The following FHIP1A variants were observed in gnomAD, a reference collection of about 807,000 sequenced individuals.
FHIP1A encodes the protein FHF complex subunit HOOK interacting protein 1A.
Under a neutral mutation model 88.6 loss-of-function variants are expected in FHIP1A, and 61 were observed. That is an observed-to-expected ratio of 0.69 (90% CI 0.56 to 0.85). The LOEUF (loss-of-function observed/expected upper bound fraction) is 0.85. Ranked by LOEUF, FHIP1A falls within the 40% of genes least tolerant of loss-of-function variation. FHIP1A has a pLI of 0.00. For missense variants in FHIP1A, 1,154 were observed against 1,273.5 expected, an observed-to-expected ratio of 0.91 and a Z score of 1.43; for synonymous variants, 478 against 496.0, an observed-to-expected ratio of 0.96 and a Z score of 0.48.
intron 13 of FHIP1A, among the ~76,000 whole-genome samples, chr4:151,660,191 G>C (rs1014758222): frequency 6.6e-6 from 1 of 152,244 alleles, no homozygotes; most frequent in Non-Finnish European, 1.5e-5. Context: ...CCGGAGGGGA[G>C]CCCGGGTCAA....
At chr4:151,448,461 C>T (rs750355284) in intron 1 of FHIP1A, among the ~76,000 whole-genome samples, 9 of 152,100 alleles carry the variant, frequency 5.9e-5, no homozygotes, top group Non-Finnish European at 1.3e-4. Context: ...AACAGTAATT[C>T]CCCATTATCC....
intron 1 of FHIP1A, among the ~76,000 whole-genome samples, chr4:151,449,350 G>A (rs544142818): frequency 6.6e-6 from 1 of 152,204 alleles, no homozygotes; most frequent in South Asian, 2.1e-4. Context: ...TCAGAATTAA[G>A]CAAGTTAGTG....
chr4:151,601,181 C>CT (rs1477278356), intron 7 of FHIP1A, among the ~76,000 whole-genome samples: 2 of 152,138 alleles, frequency 1.3e-5, no homozygotes, highest in Non-Finnish European at 1.5e-5. Flanking sequence ...GAATAAATAA[C>CT]TAAGTTTCCT....
At chr4:151,577,134 TCA>T (rs914836534) in intron 4 of FHIP1A, among the ~76,000 whole-genome samples, 1 of 152,212 alleles carries the variant, frequency 6.6e-6, no homozygotes, top group Non-Finnish European at 1.5e-5. Flanking sequence ...CTCATTTTCC[TCA>T]GTTATGTTCA....
At chr4:151,637,305 T>C (rs1047615428) in intron 8 of FHIP1A, among the ~76,000 whole-genome samples, 2 of 152,104 alleles carry the variant, frequency 1.3e-5, no homozygotes, top group African/African-American at 2.4e-5. Flanking sequence ...ATGAAAAAAT[T>C]GATAAATTGG....
At chr4:151,593,321 G>A (rs12908240) in intron 7 of FHIP1A, among the ~76,000 whole-genome samples, 1 of 151,732 alleles carries the variant, frequency 6.6e-6, no homozygotes, top group Non-Finnish European at 1.5e-5. Flanking sequence ...TAGCTTGATG[G>A]GGATAGCATT....
At chr4:151,471,325 AG>A (rs1402988125) in intron 2 of FHIP1A, among the ~76,000 whole-genome samples, 4 of 104,272 alleles carry the variant, frequency 3.8e-5, no homozygotes, top group Admixed American at 2.7e-4. Context: ...TTTTCCAATA[AG>A]GAAAAAAAAA....
chr4:151,411,319 AT>A (rs1450295370), intron 1 of FHIP1A, among the ~76,000 whole-genome samples: 2 of 144,436 alleles, frequency 1.4e-5, no homozygotes, highest in African/African-American at 5.1e-5. Flanking sequence ...AAAAACAAGA[AT>A]TGCCTCTGAG....
chr4:151,442,188 G>A (rs772762416), intron 1 of FHIP1A, among the ~76,000 whole-genome samples: 11 of 152,096 alleles, frequency 7.2e-5, no homozygotes, highest in Non-Finnish European at 1.5e-4. Context: ...ATTATGTGCC[G>A]CGTGGCTGAT....
intron 1 of FHIP1A, among the ~76,000 whole-genome samples, chr4:151,432,357 G>C (rs2126542257): frequency 6.6e-6 from 1 of 152,288 alleles, no homozygotes; most frequent in South Asian, 2.1e-4. Context: ...ATCTAGTCAT[G>C]AATTCATGAA....
At chr4:151,652,510 T>A (rs1271732611) in intron 11 of FHIP1A, among the ~76,000 whole-genome samples, 3 of 152,234 alleles carry the variant, frequency 2.0e-5, no homozygotes, top group Non-Finnish European at 1.5e-5. Context: ...CAGCAATCTT[T>A]TATTGATCCC....
intron 7 of FHIP1A, among the ~76,000 whole-genome samples, chr4:151,619,891 AT>A (rs925401622): frequency 6.6e-5 from 10 of 152,180 alleles, no homozygotes; most frequent in African/African-American, 2.4e-4. Context: ...ATCCTTTCAT[AT>A]TCTGCACACC....
At chr4:151,498,674 G>A (rs1006856990) in intron 3 of FHIP1A, among the ~76,000 whole-genome samples, 3 of 152,116 alleles carry the variant, frequency 2.0e-5, no homozygotes, top group Admixed American at 6.5e-5. Flanking sequence ...AATTAGCCGC[G>A]CATGGTGGTG....
In FHIP1A at chr4:151,452,924, A is replaced by C. The variant is rs563399461; in HGVS notation, c.-355-1777A>C. ...AGTATTTACCTTTTCCTATGTCTGC[A>C]GACATTGAAACGTATATATATATAT... is the stretch of plus-strand genomic sequence containing the variant. On this transcript the variant is annotated intron_variant, in intron 1 of 13. Coordinates refer to ENST00000435205, the MANE Select transcript of FHIP1A (RefSeq NM_001109977.3). Among the ~76,000 whole-genome samples the C allele has an allele frequency of 8.8e-5, 13 of 147,630 alleles. No homozygotes were observed. In the South Asian group the frequency reaches 2.8e-3, roughly 32 times the overall value.
chr4:151,617,700 A>T (rs1312977740), intron 7 of FHIP1A, among the ~76,000 whole-genome samples: 2 of 152,138 alleles, frequency 1.3e-5, no homozygotes, highest in Non-Finnish European at 2.9e-5. Flanking sequence ...AGCCTGGCTG[A>T]CATGGTGAAA....
At chr4:151,565,542 T>A (rs1038666171) in intron 3 of FHIP1A, among the ~76,000 whole-genome samples, 1 of 152,128 alleles carries the variant, frequency 6.6e-6, no homozygotes, top group African/African-American at 2.4e-5. Context: ...ACAAAATGAT[T>A]GAGAATCCTT....
chr4:151,448,085 T>G (rs1273028365), intron 1 of FHIP1A, among the ~76,000 whole-genome samples: 1 of 151,632 alleles, frequency 6.6e-6, no homozygotes, highest in Non-Finnish European at 1.5e-5. Context: ...ATTTTTTTGG[T>G]ATTTTTTTTT....
chr4:151,667,506 A>T lies in FHIP1A; in HGVS notation c.*4752A>T, dbSNP rs1039537493. On this transcript the variant is annotated 3_prime_UTR_variant, in exon 14 of 14. Coordinates refer to ENST00000435205, the MANE Select transcript of FHIP1A (RefSeq NM_001109977.3). ...CAGTAAATCCTCTCTACATTCAGGCATTTATTAGGCCATTACTTGTTTTGG... is the reference window on the plus strand; with the variant it reads ...CAGTAAATCCTCTCTACATTCAGGCTTTTATTAGGCCATTACTTGTTTTGG... Among the ~76,000 whole-genome samples, 2 of 152,194 alleles carry T rather than the reference A, an allele frequency of 1.3e-5. No individual in the cohort carries two copies. The highest frequency in any genetic ancestry group is 2.9e-5 in the Non-Finnish European group (2 of 68,032).
chr4:151,410,729 A>G (rs1486596766), intron 1 of FHIP1A, among the ~76,000 whole-genome samples: 1 of 152,202 alleles, frequency 6.6e-6, no homozygotes, highest in East Asian at 1.9e-4. Context: ...TTGGACCGAA[A>G]TTGAGCAGGA....
Sources: allele counts gnomAD v4.1 joint callset (sites outside exome capture counted in the v4.1 genomes callset), GRCh38; gene constraint gnomAD v4.1.1; transcripts MANE v1.5; gene names NCBI Gene and HGNC (gene_info 2026-07-23, HGNC 2026-07-21).